PCSK5: variants seen among roughly 807,000 people sequenced by gnomAD.
PCSK5 encodes prohormone convertase 5.
In PCSK5, 129 loss-of-function variants were observed where a neutral mutation model predicts 233.2. That is an observed-to-expected ratio of 0.55 (90% CI 0.48 to 0.64). The LOEUF (loss-of-function observed/expected upper bound fraction) is 0.64. Among genes scored for constraint, PCSK5 ranks in the 30% least tolerant of loss-of-function variants. The pLI, the probability that PCSK5 is intolerant of heterozygous loss-of-function variation, is 0.00. For synonymous variants in PCSK5, 825 were observed against 879.2 expected (o/e 0.94, Z 1.09); for missense variants, 2,076 against 2,430.1 (o/e 0.85, Z 3.06).
chr9:75,901,894 A>T (rs942209143), intron 1 of PCSK5, among the ~76,000 whole-genome samples: 3 of 152,190 alleles, frequency 2.0e-5, no homozygotes, highest in African/African-American at 7.2e-5. Flanking sequence ...TGCCTTTCTC[A>T]TGAATGTTCA....
intron 9 of PCSK5, among the ~76,000 whole-genome samples, chr9:76,126,430 G>A (rs1832856342): frequency 6.6e-6 from 1 of 152,056 alleles, no homozygotes; most frequent in Non-Finnish European, 1.5e-5. Context: ...CCTGACCAAC[G>A]TGGAGAAATC....
chr9:76,191,629 T>G (rs972805714), intron 20 of PCSK5, among the ~76,000 whole-genome samples: 7 of 152,204 alleles, frequency 4.6e-5, no homozygotes, highest in Non-Finnish European at 1.0e-4. Flanking sequence ...ATGTGATTGG[T>G]CTGGCAGGCA....
intron 2 of PCSK5, among the ~76,000 whole-genome samples, chr9:75,961,935 A>G (rs979923722): frequency 1.3e-5 from 2 of 152,206 alleles, no homozygotes; most frequent in African/African-American, 4.8e-5. Flanking sequence ...TCTGGTATTG[A>G]TTATCTGCTG....
chr9:76,248,777 A>G (rs1270587501), intron 24 of PCSK5, among the ~76,000 whole-genome samples: 1 of 152,048 alleles, frequency 6.6e-6, no homozygotes, highest in African/African-American at 2.4e-5. Flanking sequence ...ATCACCTCAT[A>G]TTCTTTTTGT....
chr9:76,223,061 C>A (rs912647024), intron 20 of PCSK5, among the ~76,000 whole-genome samples: 1 of 152,108 alleles, frequency 6.6e-6, no homozygotes, highest in African/African-American at 2.4e-5. Context: ...TAATTTCATA[C>A]CCCAAGGTTA....
rs980351956 is a variant in PCSK5, at chr9:75,909,624, G to A, written c.192+18251G>A. Among the ~76,000 whole-genome samples the A allele has an allele frequency of 6.6e-5, 10 of 152,208 alleles. No individual in the cohort carries two copies. In the South Asian group the frequency reaches 8.3e-4, roughly 13 times the overall value. ...GCAGGAGAATTGCTTGAACCTGGGAGGCAGAGGTTGCGGTGAGCTGAGATC... is the reference window on the plus strand; with the variant it reads ...GCAGGAGAATTGCTTGAACCTGGGAAGCAGAGGTTGCGGTGAGCTGAGATC... On this transcript the variant is annotated intron_variant, in intron 1 of 37. Coordinates refer to ENST00000674117, the MANE Select transcript of PCSK5 (RefSeq NM_001372043.1).
intron 1 of PCSK5, among the ~76,000 whole-genome samples, chr9:75,918,306 T>C (rs1823094470): frequency 6.6e-6 from 1 of 152,222 alleles, no homozygotes; most frequent in Non-Finnish European, 1.5e-5. Context: ...TCATCAACAC[T>C]CTTGGTGACC....
intron 10 of PCSK5, among the ~76,000 whole-genome samples, chr9:76,144,694 G>A (rs1823371984): frequency 6.6e-6 from 1 of 152,168 alleles, no homozygotes; most frequent in Non-Finnish European, 1.5e-5. Context: ...GCTAACAAAG[G>A]CACAGGTATC....
At chr9:75,990,683 A>C (rs1236527050) in intron 3 of PCSK5, among the ~76,000 whole-genome samples, 1 of 152,238 alleles carries the variant, frequency 6.6e-6, no homozygotes, top group Non-Finnish European at 1.5e-5. Context: ...CATCAAAGAA[A>C]ACTTGCTGGA....
rs1424520457 is a variant in PCSK5 at position 76,233,580 on chromosome 9, C to T, written c.2850C>T (p.Cys950=). ...GCCAAGGAAGTGGCCCTACCCACTG[C>T]ACCTCCTGTGGAGCAGGTGAGAGAC... is the stretch of plus-strand genomic sequence containing the variant. The part of the protein sequence containing the change: ...QRCQGSGPTH[C]TSCGADNYGR... The change falls in exon 22 of 38, where the codon TGC becomes TGT. Residue 950 remains cysteine (C), a synonymous_variant. Coordinates refer to ENST00000674117, the MANE Select transcript of PCSK5 (RefSeq NM_001372043.1). 6.2e-7 allele frequency: 1 copy of T among 1,610,604 alleles called. No individual in the cohort carries two copies. The highest frequency in any genetic ancestry group is 8.5e-7 in the Non-Finnish European group (1 of 1,179,710).
At chr9:76,003,130 G>A (rs773421429) in intron 3 of PCSK5, among the ~76,000 whole-genome samples, 16 of 152,198 alleles carry the variant, frequency 1.1e-4, no homozygotes, top group Non-Finnish European at 2.1e-4. Context: ...AGAGGACTAC[G>A]AGGCTATGGA....
At chr9:76,200,545 G>A (rs1587751275) in intron 20 of PCSK5, among the ~76,000 whole-genome samples, 1 of 152,194 alleles carries the variant, frequency 6.6e-6, no homozygotes, top group East Asian at 1.9e-4. Flanking sequence ...TATCTTACAT[G>A]TCCAGCACAT....
chr9:75,913,651 C>T (rs1310396411), intron 1 of PCSK5, among the ~76,000 whole-genome samples: 1 of 152,164 alleles, frequency 6.6e-6, no homozygotes, highest in South Asian at 2.1e-4. Flanking sequence ...TGAAAACTTT[C>T]ATCTCATGTC....
chr9:75,941,085 C>T (rs955182149), intron 2 of PCSK5, among the ~76,000 whole-genome samples: 1 of 152,176 alleles, frequency 6.6e-6, no homozygotes, highest in Non-Finnish European at 1.5e-5. Flanking sequence ...CAAGTGCTTC[C>T]TGTGTAGGCC....
chr9:76,064,382 G>A lies in PCSK5; in HGVS notation c.633-3573G>A, dbSNP rs1409976472. On this transcript the variant is annotated intron_variant, in intron 5 of 37. Coordinates refer to ENST00000674117, the MANE Select transcript of PCSK5 (RefSeq NM_001372043.1). The stretch of plus-strand genomic sequence containing the variant: ...GGGCTGACCCCCCCACCTCCCTCCC[G>A]GACGGCACGGCTGGCCAGGCGGGGG... Among the ~76,000 whole-genome samples, 7 of 114,498 alleles carry A rather than the reference G, an allele frequency of 6.1e-5. No individual in the cohort carries two copies. The South Asian group carries it at 1.0e-3, about 17-fold the overall frequency. The allele number at this position is 114,498 out of a possible 152,430, so 75.1% of individuals were successfully genotyped here.
chr9:76,054,244 C>G (rs1829742847), intron 5 of PCSK5, among the ~76,000 whole-genome samples: 1 of 152,152 alleles, frequency 6.6e-6, no homozygotes, highest in African/African-American at 2.4e-5. Context: ...GGGGACACAG[C>G]CAAACCATAT....
chr9:75,917,233 C>T (rs1409230283), intron 1 of PCSK5, among the ~76,000 whole-genome samples: 2 of 149,318 alleles, frequency 1.3e-5, no homozygotes, highest in Non-Finnish European at 3.0e-5. Flanking sequence ...ATTGGTGTTA[C>T]ATAGGATAAG....
At chr9:75,901,471 G>A (rs1218150031) in intron 1 of PCSK5, among the ~76,000 whole-genome samples, 1 of 151,990 alleles carries the variant, frequency 6.6e-6, no homozygotes, top group Non-Finnish European at 1.5e-5. Flanking sequence ...GAGCCTGTTG[G>A]GGGTGGCGGG....
chr9:76,176,059 CAG>C (rs374250818), intron 14 of PCSK5, among the ~76,000 whole-genome samples: 25 of 150,532 alleles, frequency 1.7e-4, no homozygotes, highest in African/African-American at 6.1e-4. Flanking sequence ...TTTATGGTCT[CAG>C]ATATAACACT....
Sources: allele counts gnomAD v4.1 joint callset (sites outside exome capture counted in the v4.1 genomes callset), GRCh38; gene constraint gnomAD v4.1.1; transcripts MANE v1.5; gene names NCBI Gene and HGNC (gene_info 2026-07-23, HGNC 2026-07-21).